The following TMEM39B variants were observed in gnomAD, a reference collection of about 807,000 sequenced individuals.
TMEM39B encodes the protein transmembrane protein 39B.
TMEM39B carries 23 observed loss-of-function variants against 52.2 expected under a neutral mutation model. The ratio of observed to expected loss-of-function variants is 0.44; its 90% CI spans 0.32 to 0.62. The LOEUF (loss-of-function observed/expected upper bound fraction) is 0.62, where lower values mean the gene tolerates loss of function less well. Ranked by LOEUF, TMEM39B falls within the 20% of genes least tolerant of loss-of-function variation. The probability of loss-of-function intolerance (pLI) is 0.06; values close to 1 mark genes in which losing one functional copy is unlikely to be tolerated. For synonymous variants in TMEM39B, 285 were observed against 264.0 expected (o/e 1.08, Z -0.77); for missense variants, 547 against 642.0 (o/e 0.85, Z 1.60).
At position 32,101,022 on chromosome 1, in the gene TMEM39B, C is replaced by T. The variant is rs567580645; in HGVS notation, c.1236+460C>T. Among the ~76,000 whole-genome samples, 16 of 152,256 alleles carry T rather than the reference C, an allele frequency of 1.1e-4. No individual in the cohort carries two copies. The South Asian group carries it at 3.3e-3, about 32-fold the overall frequency. ...CTCCAGCCTGGGCAACAGAGCAAGA[C>T]TCATTCTCAAAAATAAATAAATAAA... is the stretch of plus-strand genomic sequence containing the variant. On this transcript the variant is annotated intron_variant, in intron 8 of 8. Transcript: ENST00000336294.
At chr1:32,096,524 A>G (rs548694691) in intron 7 of TMEM39B, among the ~76,000 whole-genome samples, 6 of 145,212 alleles carry the variant, frequency 4.1e-5, no homozygotes, top group South Asian at 2.2e-4. Context: ...CAGTGGCACA[A>G]TCTTGGCTCA....
chr1:32,102,608 G>T lies in TMEM39B; in HGVS notation c.1414G>T (p.Val472Leu). Residue 472 changes from valine (V) to leucine (L), a missense_variant, in exon 9 of 9, where the codon GTA (valine) becomes TTA (leucine). Coordinates refer to ENST00000336294, the MANE Select transcript of TMEM39B (RefSeq NM_018056.4). ...CTTCAAGCTGCTCCGGGACCGCTTG[G>T]TATTGGGCAAGGCCTACTCATACTC... Reference protein sequence around the residue: ...AFFKLLRDRLVLGKAYSYSAS... With the variant: ...AFFKLLRDRLLLGKAYSYSAS... 6.2e-7 allele frequency: 1 copy of T among 1,613,558 alleles called. No individual in the cohort carries two copies. The highest frequency in any genetic ancestry group is 8.5e-7 in the Non-Finnish European group (1 of 1,179,732).
intron 2 of TMEM39B, 143 bp from the exon 3 acceptor site, chr1:32,075,460 T>G: frequency 1.2e-6 from 1 of 845,284 alleles, no homozygotes; most frequent in South Asian, 1.8e-5. Flanking sequence ...GTCGGGTTCC[T>G]TTGTCTGACA....
chr1:32,074,911 C>T, intron 1 of TMEM39B, 40 bp from the exon 2 acceptor site: 1 of 1,529,222 alleles, frequency 6.5e-7, no homozygotes, highest in Non-Finnish European at 8.8e-7. Context: ...TTGATATATG[C>T]CCCCTGGCTT....
At chr1:32,089,837 G>A (rs1212638190) in intron 5 of TMEM39B, among the ~76,000 whole-genome samples, 1 of 151,578 alleles carries the variant, frequency 6.6e-6, no homozygotes, top group East Asian at 1.9e-4. Flanking sequence ...CAAGACCAGC[G>A]TGGCCAACAT....
intron 5 of TMEM39B, among the ~76,000 whole-genome samples, chr1:32,078,327 TAAAA>T (rs1352271030): frequency 6.6e-6 from 1 of 151,796 alleles, no homozygotes; most frequent in Non-Finnish European, 1.5e-5. Flanking sequence ...ACTAAAAACA[TAAAA>T]AACTAGCCAG....
intron 7 of TMEM39B, among the ~76,000 whole-genome samples, chr1:32,097,718 C>T (rs1472685466): frequency 3.3e-5 from 5 of 151,042 alleles, no homozygotes; most frequent in Non-Finnish European, 2.9e-5. Context: ...GATCTCGGCT[C>T]ACTGCAAGCT....
intron 7 of TMEM39B, among the ~76,000 whole-genome samples, chr1:32,095,920 A>G (rs1640791180): frequency 6.6e-6 from 1 of 152,204 alleles, no homozygotes; most frequent in Non-Finnish European, 1.5e-5. Flanking sequence ...GGCTTGGCTT[A>G]GCCTTGGGCT....
chr1:32,098,602 G>A (rs980403178), intron 7 of TMEM39B, among the ~76,000 whole-genome samples: 7 of 152,058 alleles, frequency 4.6e-5, no homozygotes, highest in African/African-American at 1.2e-4. Flanking sequence ...GCGCAGTGGC[G>A]GGCGCCTGTA....
chr1:32,101,241 T>C (rs962496355), intron 8 of TMEM39B, among the ~76,000 whole-genome samples: 2 of 152,154 alleles, frequency 1.3e-5, no homozygotes, highest in Non-Finnish European at 2.9e-5. Context: ...ACGTGAAAGA[T>C]ATGCTAGGGT....
intron 7 of TMEM39B, 125 bp downstream of exon 7, chr1:32,095,096 T>C (rs1404665784): frequency 8.5e-7 from 1 of 1,179,176 alleles, no homozygotes; most frequent in African/African-American, 1.5e-5. Flanking sequence ...TGTATATTAT[T>C]AGGCCAGGTG....
chr1:32,101,407 T>A (rs1035344198), intron 8 of TMEM39B, among the ~76,000 whole-genome samples: 5 of 152,096 alleles, frequency 3.3e-5, no homozygotes, highest in South Asian at 4.2e-4. Flanking sequence ...TATTTTTTTT[T>A]AAATTTCACT....
chr1:32,073,061 G>A lies in TMEM39B; in HGVS notation c.4+10G>A. 1 of 1,499,096 alleles carries A rather than the reference G, an allele frequency of 6.7e-7. No individual in the cohort carries two copies. The highest frequency in any genetic ancestry group is 1.3e-5 in the South Asian group (1 of 79,138). 92.9% of individuals were successfully genotyped at this position (1,499,096 alleles called of 1,614,324 possible). On this transcript the variant is annotated intron_variant, in intron 1 of 8. Transcript: ENST00000336294. ...CGGGGGGAGGAGATGGGTGAGCAGA[G>A]CGGCTCAGGCTCGGCCTGGCAACGA...
chr1:32,090,030 A>G (rs987093660), intron 5 of TMEM39B, among the ~76,000 whole-genome samples: 1 of 151,474 alleles, frequency 6.6e-6, no homozygotes, highest in Non-Finnish European at 1.5e-5. Flanking sequence ...CTCTGTCTCA[A>G]AAAAAAAGAA....
intron 5 of TMEM39B, among the ~76,000 whole-genome samples, chr1:32,083,233 G>A (rs1394186129): frequency 2.7e-5 from 4 of 150,492 alleles, no homozygotes; most frequent in African/African-American, 7.3e-5. Context: ...ACAGGCATGC[G>A]CCACCATGCC....
At chr1:32,099,073 A>G (rs1367831149) in intron 7 of TMEM39B, among the ~76,000 whole-genome samples, 1 of 152,196 alleles carries the variant, frequency 6.6e-6, no homozygotes, top group Non-Finnish European at 1.5e-5. Context: ...CAACATGGCG[A>G]AACCCCGTCT....
chr1:32,075,950 G>C, intron 3 of TMEM39B, 128 bp downstream of exon 3: 1 of 621,250 alleles, frequency 1.6e-6, no homozygotes, highest in Non-Finnish European at 2.7e-6. Context: ...GCTCCATGCT[G>C]AACATGGAAG....
chr1:32,097,280 T>A (rs1289537898), intron 7 of TMEM39B, among the ~76,000 whole-genome samples: 1 of 151,970 alleles, frequency 6.6e-6, no homozygotes, highest in Non-Finnish European at 1.5e-5. Context: ...TCACGAGAGG[T>A]TAGTTTTGCC....
intron 5 of TMEM39B, 139 bp downstream of exon 5, chr1:32,077,457 C>T: frequency 9.0e-7 from 1 of 1,109,482 alleles, no homozygotes; most frequent in Non-Finnish European, 1.3e-6. Context: ...TCAGATGACA[C>T]TCACTCACTG....
Sources: allele counts gnomAD v4.1 joint callset (sites outside exome capture counted in the v4.1 genomes callset), GRCh38; gene constraint gnomAD v4.1.1; transcripts MANE v1.5; gene names NCBI Gene and HGNC (gene_info 2026-07-23, HGNC 2026-07-21).